The following PABPC4 variants were observed in gnomAD, a reference collection of about 807,000 sequenced individuals.
PABPC4 encodes polyadenylate-binding protein 4.
In PABPC4, 15 loss-of-function variants were observed where a neutral mutation model predicts 74.5. The observed-to-expected ratio is 0.20, with a 90% CI of 0.13 to 0.31. PABPC4 has a LOEUF of 0.31. Ranked by LOEUF, PABPC4 falls within the 10% of genes least tolerant of loss-of-function variation. The pLI, the probability that PABPC4 is intolerant of heterozygous loss-of-function variation, is 1.00. For synonymous variants in PABPC4, 345 were observed against 303.0 expected (o/e 1.14, Z -1.44); for missense variants, 610 against 853.5 (o/e 0.71, Z 3.55).
In PABPC4 at chr1:39,568,791, G is replaced by A; in HGVS notation, c.876+11C>T. On this transcript the variant is annotated intron_variant, in intron 6 of 15. Transcript: ENST00000372858. ...AAATCCCATTGCTAGGCTGGGCCAAGACCACCTTACCTGATATCGACTAAT... is the reference window on the plus strand; with the variant it reads ...AAATCCCATTGCTAGGCTGGGCCAAAACCACCTTACCTGATATCGACTAAT... 6.2e-7 allele frequency: 1 copy of A among 1,610,486 alleles called. No homozygotes were observed. Among genetic ancestry groups the A allele is most frequent in the Non-Finnish European group, 8.5e-7 (1 of 1,178,716 alleles).
intron 15 of PABPC4, 112 bp downstream of exon 15, chr1:39,561,573 T>C: frequency 1.4e-6 from 1 of 711,300 alleles, no homozygotes. Context: ...CTGTACTTAT[T>C]GTATTCCCAG....
At chr1:39,571,726 A>G (rs1031810566) in intron 2 of PABPC4, 1 of 415,434 alleles carries the variant, frequency 2.4e-6, no homozygotes, top group Non-Finnish European at 4.7e-6. Flanking sequence ...GAAAAAAATT[A>G]AATGAGTGTG....
intron 10 of PABPC4, 196 bp from the exon 11 acceptor site, chr1:39,564,118 G>T: frequency 3.2e-6 from 2 of 619,290 alleles, no homozygotes; most frequent in Non-Finnish European, 5.6e-6. Context: ...TGTATACACT[G>T]TTTCCTTGTA....
At chr1:39,573,940 C>T (rs756613245) in intron 1 of PABPC4, among the ~76,000 whole-genome samples, 11 of 152,170 alleles carry the variant, frequency 7.2e-5, no homozygotes, top group Non-Finnish European at 1.3e-4. Flanking sequence ...TTCCTTAAGG[C>T]TATGATGGCA....
At position 39,562,175 on chromosome 1, in the gene PABPC4, T is replaced by C. The variant is rs920597997; in HGVS notation, c.1791A>G (p.Thr597=). The change falls in exon 14 of 16, where the codon ACA becomes ACG. Residue 597 remains threonine (T), a synonymous_variant. Transcript: ENST00000372858. ...TCTTCCCAGCCAGATTTGAATGCATTGTTTGGATGAGTGGGAACAAGCGTT... is the reference window on the plus strand; with the variant it reads ...TCTTCCCAGCCAGATTTGAATGCATCGTTTGGATGAGTGGGAACAAGCGTT... The part of the protein sequence containing the change: ...LGERLFPLIQ[T]MHSNLAGKIT... 4 of 1,614,054 alleles carry C rather than the reference T, an allele frequency of 2.5e-6. No individual in the cohort carries two copies. The African/African-American group carries it at 4.0e-5, about 16-fold the overall frequency.
In PABPC4 at chr1:39,575,802, G is replaced by A. The variant is rs985400659; in HGVS notation, c.150C>T (p.Arg50=). The change falls in exon 1 of 16, where the codon CGC becomes CGT. Residue 50 remains arginine (R), a synonymous_variant. Transcript: ENST00000372858. ...IRVCRDMITR[R]SLGYAYVNFQ... is the part of the protein sequence containing the mutation. Reference sequence around the variant, plus strand: ...AGTTGACGTAGGCATAGCCCAGGGAGCGGCGGGTGATCATATCGCGGCAGA... The same window carrying A: ...AGTTGACGTAGGCATAGCCCAGGGAACGGCGGGTGATCATATCGCGGCAGA... 6.8e-6 allele frequency: 11 copies of A among 1,606,254 alleles called. No homozygotes were observed. The East Asian group carries it at 1.4e-4, about 20-fold the overall frequency.
At chr1:39,561,561 A>G (rs1270658265) in intron 15 of PABPC4, 124 bp downstream of exon 15, 1 of 677,190 alleles carries the variant, frequency 1.5e-6, no homozygotes, top group African/African-American at 1.8e-5. Flanking sequence ...CCGTGTAACT[A>G]ACTGTACTTA....
In PABPC4 at chr1:39,565,197, C is replaced by A; in HGVS notation, c.1154G>T (p.Arg385Leu). The change falls in exon 8 of 16, where the codon CGA (arginine) becomes CTA (leucine). Residue 385 changes from arginine (R) to leucine (L), a missense_variant. By Grantham distance (102) the Arg-to-Leu change is moderately radical. Around this residue, in one of 4 missense-constraint regions of PABPC4, gnomAD observed 277 missense variants for 301.8 expected, o/e 0.92. Transcript: ENST00000372858. ...AGGAAGTGCTCTCATTCCAGCCACT[C>A]GTTGCATATACTGGTTGGTCAGGTG... Reference protein sequence around the residue: ...KAHLTNQYMQRVAGMRALPAN... With the variant: ...KAHLTNQYMQLVAGMRALPAN... 1 of 1,614,168 alleles carries A rather than the reference C, an allele frequency of 6.2e-7. No individual in the cohort carries two copies. Among genetic ancestry groups the A allele is most frequent in the South Asian group, 1.1e-5 (1 of 91,080 alleles).
Position 39,567,639 on chromosome 1 carries a change from A to G in PABPC4, c.972+112T>C, listed in dbSNP as rs1645868961. The G allele has an allele frequency of 1.3e-5, 9 of 717,612 alleles. No individual in the cohort carries two copies. In the South Asian group the frequency reaches 1.4e-4, roughly 11 times the overall value. 44.5% of individuals were successfully genotyped at this position (717,612 alleles called of 1,614,324 possible). On this transcript the variant is annotated intron_variant, in intron 7 of 15. Transcript: ENST00000372858. ...AGAAATTTTGCTAGAAAAACGTAGTAGCTACTTTCAGAAATGAACATAATT... is the reference window on the plus strand; with the variant it reads ...AGAAATTTTGCTAGAAAAACGTAGTGGCTACTTTCAGAAATGAACATAATT...
intron 6 of PABPC4, 141 bp downstream of exon 6, chr1:39,568,661 C>T (rs1401950356): frequency 3.9e-6 from 3 of 761,928 alleles, no homozygotes; most frequent in East Asian, 4.9e-5. Flanking sequence ...GGTATATATC[C>T]TTTTAAACCT....
In PABPC4 at chr1:39,561,056, T is replaced by C. The variant is rs949558537; in HGVS notation, c.*80A>G. On this transcript the variant is annotated 3_prime_UTR_variant, in exon 16 of 16. Transcript: ENST00000372858. ...TTGTAATCCTTGGTGTTGAGGTCCA[T>C]AGGACAAGCTAGGAAGTCTTCAAAC... 6 of 462,338 alleles carry C rather than the reference T, an allele frequency of 1.3e-5. No individual in the cohort carries two copies. Among genetic ancestry groups the C allele is most frequent in the African/African-American group, 2.0e-5 (1 of 49,756 alleles). The allele number at this position is 462,338 out of a possible 1,614,324, so 28.6% of individuals were successfully genotyped here. A position where few individuals can be genotyped will look rare whatever the true frequency, so the allele number is the denominator to read the frequency against.
At chr1:39,567,198 G>A (rs1645859964) in intron 7 of PABPC4, among the ~76,000 whole-genome samples, 1 of 152,060 alleles carries the variant, frequency 6.6e-6, no homozygotes, top group African/African-American at 2.4e-5. Flanking sequence ...TTAAAATGAG[G>A]TTCCTACTTA....
intron 1 of PABPC4, chr1:39,572,941 C>G (rs1645964275): frequency 5.3e-6 from 1 of 190,052 alleles, no homozygotes; most frequent in Admixed American, 5.8e-5. Context: ...ACTTTGCAGA[C>G]TACCACCCAC....
chr1:39,572,615 G>A (rs1368839310), intron 1 of PABPC4, 29 bp from the exon 2 acceptor site: 1 of 1,579,884 alleles, frequency 6.3e-7, no homozygotes, highest in Non-Finnish European at 8.7e-7. Flanking sequence ...TTTCAATAAG[G>A]AGAGAAAACG....
intron 4 of PABPC4, 80 bp downstream of exon 4, chr1:39,569,783 C>T (rs1645910421): frequency 7.5e-6 from 12 of 1,591,814 alleles, no homozygotes; most frequent in Non-Finnish European, 1.0e-5. Context: ...AAGCAAATCT[C>T]TGGAGCAGTG....
Position 39,571,275 on chromosome 1 carries a change from G to C in PABPC4, c.462C>G (p.Ala154=). The part of the protein sequence containing the change: ...HFETQEAADK[A]IEKMNGMLLN... ...GGAGCATGCCATTCATCTTCTCGAT[G>C]GCCTTGTCGGCAGCCTCTTGGGTCT... is the stretch of plus-strand genomic sequence containing the variant. Residue 154 remains alanine, a synonymous_variant, in exon 3 of 16, where the codon GCC becomes GCG. Coordinates refer to ENST00000372858, the MANE Select transcript of PABPC4 (RefSeq NM_001135653.2). 6.2e-7 allele frequency: 1 copy of C among 1,614,186 alleles called. No homozygotes were observed.
intron 8 of PABPC4, 40 bp downstream of exon 8, chr1:39,565,066 C>T (rs759272208): frequency 1.1e-5 from 18 of 1,605,938 alleles, no homozygotes; most frequent in East Asian, 6.7e-5. Context: ...TACTGCCAGC[C>T]GGCAGGTTCC....
chr1:39,575,615 G>A (rs1646013640), intron 1 of PABPC4, 144 bp downstream of exon 1: 2 of 603,522 alleles, frequency 3.3e-6, no homozygotes, highest in Non-Finnish European at 5.6e-6. Context: ...CCAGGTCCGC[G>A]TTCTCAATCT....
At chr1:39,573,172 A>G (rs1645967957) in intron 1 of PABPC4, 1 of 152,158 alleles carries the variant, frequency 6.6e-6, no homozygotes, top group African/African-American at 2.4e-5. Flanking sequence ...GATCTGGAAA[A>G]AAAAAAAAAG....
Sources: allele counts gnomAD v4.1 joint callset (sites outside exome capture counted in the v4.1 genomes callset), GRCh38; gene constraint gnomAD v4.1.1; regional missense constraint gnomAD v4.1.1; transcripts MANE v1.5; gene names NCBI Gene and HGNC (gene_info 2026-07-23, HGNC 2026-07-21).